Variants in ASXL3 observed in about 807,000 individuals in gnomAD.
ASXL3 encodes ASXL transcriptional regulator 3, also known as putative Polycomb group protein ASXL3.
A neutral mutation model predicts 170.6 loss-of-function variants in ASXL3; 34 were observed. The observed-to-expected ratio is 0.20, with a 90% CI of 0.15 to 0.27. ASXL3 has a LOEUF of 0.27. ASXL3 is among the 10% of genes least tolerant of loss of function. The pLI is 1.00. For missense variants in ASXL3, 2,592 were observed against 2,695.3 expected (o/e 0.96, Z 0.85); for synonymous variants, 1,002 against 989.1 (o/e 1.01, Z -0.24).
chr18:33,661,873 CAGTTCAATAATTTTAAT>C, intron 5 of ASXL3, 136 bp downstream of exon 5: 1 of 994,006 alleles, frequency 1.0e-6, no homozygotes, highest in Non-Finnish European at 1.4e-6. Context: ...CCATGATATT[CAGTTCAATAATTTTAAT>C]CTGTGATAAA....
rs769778576 is a variant in ASXL3 at position 33,746,367 on chromosome 18, G to T, written c.6519G>T (p.Lys2173Asn). 19 of 1,613,930 alleles carry T rather than the reference G, an allele frequency of 1.2e-5. No individual in the cohort carries two copies. The highest frequency in any genetic ancestry group is 1.6e-5 in the Non-Finnish European group (19 of 1,179,816). ...AAAGGGCAGCATCTGCAATTGAAAA[G>T]TCCATTGGGATTTTGGGAAGTGGCT... ...SFKRAASAIE[K>N]SIGILGSGSN... Residue 2173 changes from lysine to asparagine, a missense_variant, in exon 12 of 12, where the codon AAG (lysine) becomes AAT (asparagine). Lys to Asn is a moderately conservative substitution (Grantham distance 94). Transcript: ENST00000269197.
At chr18:33,581,968 A>C (rs1355158317) in intron 1 of ASXL3, among the ~76,000 whole-genome samples, 1 of 152,178 alleles carries the variant, frequency 6.6e-6, no homozygotes, top group East Asian at 1.9e-4. Flanking sequence ...TCAGTTGCAG[A>C]AATTTCAGGC....
At chr18:33,618,678 T>A (rs2065465710) in intron 2 of ASXL3, among the ~76,000 whole-genome samples, 1 of 152,118 alleles carries the variant, frequency 6.6e-6, no homozygotes, top group Admixed American at 6.6e-5. Flanking sequence ...TAAAATACCA[T>A]TTCTGCCTTT....
At chr18:33,624,005 A>G (rs946718845) in intron 2 of ASXL3, among the ~76,000 whole-genome samples, 1 of 152,102 alleles carries the variant, frequency 6.6e-6, no homozygotes, top group Non-Finnish European at 1.5e-5. Context: ...CAAAATAAAA[A>G]AAACCAGCCA....
At chr18:33,597,814 AAC>A (rs1491072554) in intron 1 of ASXL3, among the ~76,000 whole-genome samples, 2 of 149,934 alleles carry the variant, frequency 1.3e-5, no homozygotes, top group South Asian at 4.2e-4. Context: ...AAACAAAAAA[AAC>A]AAAAAACAAA....
chr18:33,745,666 G>A lies in ASXL3; in HGVS notation c.5818G>A (p.Gly1940Ser). 6.2e-7 allele frequency: 1 copy of A among 1,613,936 alleles called. No homozygotes were observed. Among genetic ancestry groups the A allele is most frequent in the Non-Finnish European group, 8.5e-7 (1 of 1,179,892 alleles). Reference protein sequence around the residue: ...QFYQMPVAARGPIPTAALLQA... With the variant: ...QFYQMPVAARSPIPTAALLQA... ...TTACCAAATGCCTGTGGCTGCCAGG[G>A]GCCCCATTCCTACTGCAGCTCTGTT... The change falls in exon 12 of 12, where the codon GGC becomes AGC. Residue 1940 changes from glycine to serine, a missense_variant. Around this residue, in one of 4 missense-constraint regions of ASXL3, gnomAD observed 2,246 missense variants for 2,219.6 expected, o/e 1.01. Coordinates refer to ENST00000269197, the MANE Select transcript of ASXL3 (RefSeq NM_030632.3).
intron 5 of ASXL3, among the ~76,000 whole-genome samples, chr18:33,665,816 A>G (rs2066247230): frequency 6.6e-6 from 1 of 152,062 alleles, no homozygotes; most frequent in Admixed American, 6.6e-5. Flanking sequence ...AAAAGCATGC[A>G]CAGTCAGCAT....
rs1283676069 is a variant in ASXL3 at position 33,751,189 on chromosome 18, C to T, written c.*4594C>T. ...TTCTGGAGAAAATAAAGAAATTAAACATGAAATAATTGTCATTTTTAATTT... is the reference window on the plus strand; with the variant it reads ...TTCTGGAGAAAATAAAGAAATTAAATATGAAATAATTGTCATTTTTAATTT... On this transcript the variant is annotated 3_prime_UTR_variant, in exon 12 of 12. Transcript: ENST00000269197. The T allele has an allele frequency of 6.6e-6, 1 of 151,994 alleles. No homozygotes were observed. The highest frequency in any genetic ancestry group is 1.5e-5 in the Non-Finnish European group (1 of 67,968). 9.4% of individuals were successfully genotyped at this position (151,994 alleles called of 1,614,324 possible). A position where few individuals can be genotyped will look rare whatever the true frequency, so the allele number is the denominator to read the frequency against.
At chr18:33,596,959 C>T (rs766431703) in intron 1 of ASXL3, among the ~76,000 whole-genome samples, 6 of 152,028 alleles carry the variant, frequency 3.9e-5, no homozygotes, top group Non-Finnish European at 7.4e-5. Flanking sequence ...AGGACTAGCA[C>T]GTGCCACCAC....
chr18:33,635,176 G>A (rs1251183886), intron 2 of ASXL3, among the ~76,000 whole-genome samples: 1 of 152,062 alleles, frequency 6.6e-6, no homozygotes. Flanking sequence ...ACCAGAAATG[G>A]ATTAATAGAG....
intron 1 of ASXL3, among the ~76,000 whole-genome samples, chr18:33,607,145 C>T (rs115483975): frequency 2.0e-5 from 3 of 151,848 alleles, no homozygotes; most frequent in Non-Finnish European, 2.9e-5. Flanking sequence ...ACATTTTGGC[C>T]GTGAATCCAG....
intron 7 of ASXL3, among the ~76,000 whole-genome samples, chr18:33,672,543 A>ACTGC (rs1264740610): frequency 6.6e-6 from 1 of 152,206 alleles, no homozygotes; most frequent in Non-Finnish European, 1.5e-5. Flanking sequence ...AGAATTCTCA[A>ACTGC]CTGCCACTGG....
At chr18:33,607,127 T>C (rs2065261566) in intron 1 of ASXL3, among the ~76,000 whole-genome samples, 1 of 151,978 alleles carries the variant, frequency 6.6e-6, no homozygotes, top group Admixed American at 6.6e-5. Flanking sequence ...TCCTGTATGC[T>C]TCTTTCAACA....
rs116363634 is a variant in ASXL3, at chr18:33,701,756, T to C, written c.879+18188T>C. ...TAACGTTTGTTGAACTTCTTCAATTTGTAGGCTGTTTTTCATCAAATATAG... is the reference window on the plus strand; with the variant it reads ...TAACGTTTGTTGAACTTCTTCAATTCGTAGGCTGTTTTTCATCAAATATAG... On this transcript the variant is annotated intron_variant, in intron 8 of 11. Coordinates refer to ENST00000269197, the MANE Select transcript of ASXL3 (RefSeq NM_030632.3). Among the ~76,000 whole-genome samples the C allele has an allele frequency of 4.3e-3, 659 of 152,242 alleles. 6 individuals carry two copies. The highest frequency in any genetic ancestry group is 0.015 in the African/African-American group (627 of 41,578).
Position 33,714,012 on chromosome 18 carries a change from T to C in ASXL3, c.880-17956T>C, listed in dbSNP as rs117437341. ...TGTCCATGGAGTCATTTGTATGGCA[T>C]AAGAGGTGCTGGCAATTCCTGCTGG... On this transcript the variant is annotated intron_variant, in intron 8 of 11. Coordinates refer to ENST00000269197, the MANE Select transcript of ASXL3 (RefSeq NM_030632.3). Among the ~76,000 whole-genome samples the C allele has an allele frequency of 2.9e-3, 445 of 152,292 alleles. 3 individuals are homozygous for C. Among genetic ancestry groups the C allele is most frequent in the Non-Finnish European group, 4.6e-3 (313 of 68,020 alleles).
chr18:33,696,496 G>A (rs1464587263), intron 8 of ASXL3, among the ~76,000 whole-genome samples: 5 of 152,106 alleles, frequency 3.3e-5, no homozygotes, highest in African/African-American at 9.7e-5. Flanking sequence ...GCTGTGAGGA[G>A]TTTCTGCAGG....
chr18:33,702,399 A>T (rs2066888238), intron 8 of ASXL3, among the ~76,000 whole-genome samples: 1 of 151,882 alleles, frequency 6.6e-6, no homozygotes, highest in African/African-American at 2.4e-5. Context: ...TCTTTTTAGT[A>T]ACTTGGTTAG....
intron 2 of ASXL3, chr18:33,614,613 G>A (rs1331450724): frequency 6.6e-6 from 1 of 152,250 alleles, no homozygotes; most frequent in East Asian, 1.9e-4. Context: ...ATCCATAAGA[G>A]GAATTGCTAT....
At chr18:33,645,885 A>C (rs1416972064) in intron 3 of ASXL3, among the ~76,000 whole-genome samples, 1 of 151,946 alleles carries the variant, frequency 6.6e-6, no homozygotes, top group Non-Finnish European at 1.5e-5. Flanking sequence ...CAATTTTTCC[A>C]TTGCTTTTTG....
Sources: gnomAD v4.1 joint callset for allele counts (sites outside exome capture counted in the v4.1 genomes callset) on GRCh38, gnomAD v4.1.1 for gene constraint, gnomAD v4.1.1 regional missense constraint, MANE v1.5 for transcripts, NCBI Gene and HGNC (gene_info 2026-07-23, HGNC 2026-07-21) for gene names.